The following ADCYAP1R1 variants were observed in gnomAD, a reference collection of about 807,000 sequenced individuals.
ADCYAP1R1 encodes the protein ADCYAP receptor type I.
A neutral mutation model predicts 67.6 loss-of-function variants in ADCYAP1R1; 44 were observed. The observed-to-expected ratio is 0.65, with a 90% CI of 0.51 to 0.84. The LOEUF (loss-of-function observed/expected upper bound fraction) is 0.84. Among genes scored for constraint, ADCYAP1R1 ranks in the 40% least tolerant of loss-of-function variants. The pLI is 0.00. For synonymous variants in ADCYAP1R1, 222 were observed against 219.6 expected (o/e 1.01, Z -0.10); for missense variants, 477 against 587.9 (o/e 0.81, Z 1.95).
At position 31,077,009 on chromosome 7, in the gene ADCYAP1R1, C is replaced by T. The variant is rs547881717; in HGVS notation, c.158-982C>T. 3.9e-5 allele frequency among the ~76,000 whole-genome samples: 6 copies of T among 152,252 alleles called. No homozygotes were observed. In the East Asian group the frequency reaches 1.2e-3, roughly 29 times the overall value. On this transcript the variant is annotated intron_variant, in intron 3 of 15. Coordinates refer to ENST00000304166, the MANE Select transcript of ADCYAP1R1 (RefSeq NM_001118.5). ...GTGCAGCTGTGGGGCTGCGGGTCTT[C>T]GGGGGTGTGGGGCGGTGTAAAAACA...
chr7:31,084,915 C>T (rs112178640), intron 8 of ADCYAP1R1, 81 bp downstream of exon 8: 1 of 1,299,144 alleles, frequency 7.7e-7, no homozygotes, highest in Admixed American at 1.7e-5. Flanking sequence ...CCCCTCCCCC[C>T]TTGATGTCAG....
chr7:31,071,255 G>A (rs960397782), intron 3 of ADCYAP1R1, among the ~76,000 whole-genome samples: 3 of 152,148 alleles, frequency 2.0e-5, no homozygotes, highest in African/African-American at 4.8e-5. Context: ...TCTTTCAGTC[G>A]CTCTGCCTGA....
Position 31,108,746 on chromosome 7 carries a change from A to ATGTGTGTGTGTGTGTG in ADCYAP1R1, c.*2082_*2097dup, listed in dbSNP as rs3076597. 6.8e-6 allele frequency: 1 copy of ATGTGTGTGTGTGTGTG among 147,966 alleles called. No individual in the cohort carries two copies. Among genetic ancestry groups the ATGTGTGTGTGTGTGTG allele is most frequent in the Non-Finnish European group, 1.5e-5 (1 of 66,678 alleles). 9.2% of individuals were successfully genotyped at this position (147,966 alleles called of 1,614,324 possible). ...CCTCATATCAGGTTTTGATGAATATATGTGTGTGTGTGTGTGTGTGTGTGT... is the reference window on the plus strand; with the variant it reads ...CCTCATATCAGGTTTTGATGAATATATGTGTGTGTGTGTGTGTGTGTGTGTGTGTGTGTGTGTGTGT... On this transcript the variant is annotated 3_prime_UTR_variant, in exon 16 of 16. Transcript: ENST00000304166.
In ADCYAP1R1 at chr7:31,087,494, T is replaced by G. The variant is rs1795798506; in HGVS notation, c.885-133T>G. 2.2e-5 allele frequency: 17 copies of G among 763,880 alleles called. No individual in the cohort carries two copies. In the South Asian group the frequency reaches 2.4e-4, roughly 11 times the overall value. 47.3% of individuals were successfully genotyped at this position (763,880 alleles called of 1,614,324 possible). On this transcript the variant is annotated intron_variant, in intron 11 of 15. Coordinates refer to ENST00000304166, the MANE Select transcript of ADCYAP1R1 (RefSeq NM_001118.5). ...TCTGTAGCCCGCTGGAGAGCTCTTG[T>G]TCCAGCCAGCCCCTCCTCAGAGAGC...
In ADCYAP1R1 at chr7:31,111,114, G is replaced by A. The variant is rs927547058; in HGVS notation, c.*4430G>A. 1 of 152,208 alleles carries A rather than the reference G, an allele frequency of 6.6e-6. No homozygotes were observed. The highest frequency in any genetic ancestry group is 1.5e-5 in the Non-Finnish European group (1 of 68,038). 9.4% of individuals were successfully genotyped at this position (152,208 alleles called of 1,614,324 possible). On this transcript the variant is annotated 3_prime_UTR_variant, in exon 16 of 16. Transcript: ENST00000304166. The stretch of plus-strand genomic sequence containing the variant: ...CTTCCATATGGGTGATAGCAGCCAT[G>A]CCCCTGGGAGTCAACTTCAAGGATC...
intron 1 of ADCYAP1R1, among the ~76,000 whole-genome samples, chr7:31,055,736 G>A (rs1794212413): frequency 6.6e-6 from 1 of 152,230 alleles, no homozygotes; most frequent in South Asian, 2.1e-4. Context: ...TAAATAAATG[G>A]TCAGAGAGGT....
chr7:31,079,542 C>A (rs1795426853), intron 4 of ADCYAP1R1, among the ~76,000 whole-genome samples: 1 of 152,240 alleles, frequency 6.6e-6, no homozygotes, highest in Admixed American at 6.5e-5. Flanking sequence ...GCTGCAGTCC[C>A]CTGTCTTCTC....
At chr7:31,098,252 A>T (rs1264957678) in intron 13 of ADCYAP1R1, among the ~76,000 whole-genome samples, 1 of 152,236 alleles carries the variant, frequency 6.6e-6, no homozygotes, top group East Asian at 1.9e-4. Context: ...GAAGAATAGA[A>T]TAGGTACCAT....
chr7:31,089,623 A>G (rs1481608152), intron 12 of ADCYAP1R1, among the ~76,000 whole-genome samples: 1 of 152,144 alleles, frequency 6.6e-6, no homozygotes, highest in African/African-American at 2.4e-5. Context: ...AAATCTCAAG[A>G]GTGGAATTTC....
chr7:31,060,531 G>T (rs1407685273), intron 1 of ADCYAP1R1, among the ~76,000 whole-genome samples: 1 of 149,524 alleles, frequency 6.7e-6, no homozygotes, highest in Non-Finnish European at 1.5e-5. Context: ...GTTGCCTGTC[G>T]GTCCCTGAAG....
chr7:31,072,880 C>A (rs958898788), intron 3 of ADCYAP1R1, among the ~76,000 whole-genome samples: 2 of 152,170 alleles, frequency 1.3e-5, no homozygotes, highest in African/African-American at 4.8e-5. Flanking sequence ...AAGATGGAAG[C>A]AGGAGAATCA....
At chr7:31,075,262 A>G (rs10268647) in intron 3 of ADCYAP1R1, among the ~76,000 whole-genome samples, 8,867 of 152,240 alleles carry the variant, frequency 0.058, 834 homozygotes, top group African/African-American at 0.2. Context: ...GTGAACAGGC[A>G]TTGAATGAGC....
chr7:31,057,394 G>A (rs1794296992), intron 1 of ADCYAP1R1, among the ~76,000 whole-genome samples: 1 of 152,218 alleles, frequency 6.6e-6, no homozygotes, highest in Admixed American at 6.5e-5. Context: ...AAGTTTCCTG[G>A]TCTCCTAGGG....
intron 12 of ADCYAP1R1, among the ~76,000 whole-genome samples, chr7:31,089,499 A>C (rs1420946517): frequency 6.6e-6 from 1 of 151,270 alleles, no homozygotes; most frequent in Non-Finnish European, 1.5e-5. Context: ...CATTCAAGTA[A>C]TGATTTATTT....
chr7:31,094,729 C>T (rs1410453551), intron 13 of ADCYAP1R1, among the ~76,000 whole-genome samples: 1 of 152,144 alleles, frequency 6.6e-6, no homozygotes, highest in African/African-American at 2.4e-5. Flanking sequence ...TCTCCACGGA[C>T]CAGGAGCCTT....
In ADCYAP1R1 at chr7:31,055,845, T is replaced by C. The variant is rs549981267; in HGVS notation, c.-72+3167T>C. Among the ~76,000 whole-genome samples, 20 of 152,344 alleles carry C rather than the reference T, an allele frequency of 1.3e-4. No homozygotes were observed. In the South Asian group the frequency reaches 4.1e-3, roughly 32 times the overall value. The stretch of plus-strand genomic sequence containing the variant: ...GTGGAGCTCAGAGTGCCCATCTGTT[T>C]AATGGGTCAGGCCTAGGAGAGGGTC... On this transcript the variant is annotated intron_variant, in intron 1 of 15. Transcript: ENST00000304166.
chr7:31,087,687 C>T lies in ADCYAP1R1; in HGVS notation c.945C>T (p.Gly315=). The change falls in exon 12 of 16, where the codon GGC becomes GGT. Residue 315 remains glycine, a synonymous_variant. Transcript: ENST00000304166. ...GGGTGATCAAAGGCCCTGTGGTTGG[C>T]TCTATCATGGTGAGTGTCCTTGGGA... The part of the protein sequence containing the change: ...LWWVIKGPVV[G]SIMVNFVLFI... 1.9e-6 allele frequency: 3 copies of T among 1,613,682 alleles called. No homozygotes were observed. Among genetic ancestry groups the T allele is most frequent in the Admixed American group, 1.7e-5 (1 of 59,976 alleles).
intron 12 of ADCYAP1R1, among the ~76,000 whole-genome samples, chr7:31,091,073 C>A (rs1313584089): frequency 6.6e-6 from 1 of 152,202 alleles, no homozygotes; most frequent in African/African-American, 2.4e-5. Context: ...GCTGCCTCCC[C>A]AGCATCTGTT....
chr7:31,066,825 G>A (rs11769646), intron 3 of ADCYAP1R1, among the ~76,000 whole-genome samples: 3,138 of 152,334 alleles, frequency 0.021, 41 homozygotes, highest in Non-Finnish European at 0.033. Context: ...AGGGACAGAC[G>A]AATGGGTGAA....
Sources: gnomAD v4.1 joint callset for allele counts (sites outside exome capture counted in the v4.1 genomes callset) on GRCh38, gnomAD v4.1.1 for gene constraint, MANE v1.5 for transcripts, NCBI Gene and HGNC (gene_info 2026-07-23, HGNC 2026-07-21) for gene names.